The following SLC25A21 variants were observed in gnomAD, a reference collection of about 807,000 sequenced individuals.
The protein encoded by SLC25A21 is solute carrier family 25 member 21, also known as mitochondrial 2-oxodicarboxylate carrier.
Under a neutral mutation model 43.8 loss-of-function variants are expected in SLC25A21, and 47 were observed. That is an observed-to-expected ratio of 1.07 (90% CI 0.85 to 1.37). SLC25A21 has a LOEUF of 1.37. Ranked by LOEUF, SLC25A21 falls within the 40% of genes most tolerant of loss-of-function variation. SLC25A21 has a pLI of 0.00. For missense variants in SLC25A21, 352 were observed against 350.2 expected (o/e 1.00, Z -0.04); for synonymous variants, 131 against 121.3 (o/e 1.08, Z -0.52).
intron 1 of SLC25A21, among the ~76,000 whole-genome samples, chr14:37,044,322 A>T (rs1277090941): frequency 2.0e-5 from 3 of 152,222 alleles, no homozygotes; most frequent in Admixed American, 1.3e-4. Flanking sequence ...AATATATATA[A>T]AATTACATAA....
At chr14:36,872,516 G>A (rs565355814) in intron 2 of SLC25A21, among the ~76,000 whole-genome samples, 2 of 152,246 alleles carry the variant, frequency 1.3e-5, no homozygotes, top group South Asian at 4.1e-4. Context: ...TTAGTGCCTA[G>A]GTGATAAATC....
intron 1 of SLC25A21, among the ~76,000 whole-genome samples, chr14:36,998,076 C>T (rs141354267): frequency 6.6e-6 from 1 of 152,222 alleles, no homozygotes; most frequent in African/African-American, 2.4e-5. Context: ...AACATTTTCC[C>T]GAAGTGCAAT....
At chr14:36,940,096 T>C (rs1458572492) in intron 1 of SLC25A21, among the ~76,000 whole-genome samples, 5 of 152,160 alleles carry the variant, frequency 3.3e-5, no homozygotes, top group Admixed American at 2.6e-4. Context: ...TACGTGTATA[T>C]TCTAAACTGC....
intron 1 of SLC25A21, among the ~76,000 whole-genome samples, chr14:37,093,484 A>G (rs893348613): frequency 6.6e-6 from 1 of 152,196 alleles, no homozygotes; most frequent in African/African-American, 2.4e-5. Flanking sequence ...TTTCACAGCC[A>G]TGATTATTTG....
At chr14:36,895,890 C>T (rs1436362241) in intron 1 of SLC25A21, among the ~76,000 whole-genome samples, 1 of 152,204 alleles carries the variant, frequency 6.6e-6, no homozygotes, top group East Asian at 1.9e-4. Context: ...TTTCATTGCA[C>T]TGTGGTCTGA....
At position 37,164,436 on chromosome 14, in the gene SLC25A21, C is replaced by T. The variant is rs1048764173; in HGVS notation, c.70+7845G>A. Among the ~76,000 whole-genome samples the T allele has an allele frequency of 5.7e-4, 87 of 152,084 alleles. 1 individual carries two copies. The highest frequency in any genetic ancestry group is 7.4e-5 in the Non-Finnish European group (5 of 68,014). On this transcript the variant is annotated intron_variant, in intron 1 of 9. Coordinates refer to ENST00000331299, the MANE Select transcript of SLC25A21 (RefSeq NM_030631.4). ...AAAGGCTCACCTGTTTCAGTACAAC[C>T]TGCTATTTATTATCAAACAATTACA...
intron 1 of SLC25A21, chr14:37,097,018 GTTTT>G (rs1555346731): frequency 6.9e-6 from 1 of 145,150 alleles, no homozygotes; most frequent in African/African-American, 2.7e-5. Flanking sequence ...CAAAGGGCTG[GTTTT>G]TTTTTTGTTT....
chr14:36,820,225 C>G (rs966017671), intron 2 of SLC25A21, among the ~76,000 whole-genome samples: 1 of 152,180 alleles, frequency 6.6e-6, no homozygotes, highest in African/African-American at 2.4e-5. Flanking sequence ...TTCTCCCATT[C>G]AGCTCTGCTT....
chr14:36,907,645 G>C (rs1891572203), intron 1 of SLC25A21, among the ~76,000 whole-genome samples: 1 of 152,038 alleles, frequency 6.6e-6, no homozygotes, highest in South Asian at 2.1e-4. Flanking sequence ...AGATGGATTA[G>C]GTTTTTGGAA....
intron 2 of SLC25A21, 61 bp from the exon 3 acceptor site, chr14:36,814,062 T>A: frequency 9.0e-7 from 1 of 1,117,144 alleles, no homozygotes; most frequent in Non-Finnish European, 1.3e-6. Flanking sequence ...GCTTTTCTCA[T>A]TTTTTAAAGT....
At chr14:37,148,886 T>C (rs1281757900) in intron 1 of SLC25A21, among the ~76,000 whole-genome samples, 1 of 152,224 alleles carries the variant, frequency 6.6e-6, no homozygotes, top group Non-Finnish European at 1.5e-5. Context: ...ATACTACATA[T>C]TATGTAAGCA....
intron 1 of SLC25A21, among the ~76,000 whole-genome samples, chr14:37,150,267 G>T (rs1833712026): frequency 6.6e-6 from 1 of 152,068 alleles, no homozygotes; most frequent in Admixed American, 6.6e-5. Context: ...GGAGTTTCAG[G>T]TAATCTCTAA....
intron 1 of SLC25A21, among the ~76,000 whole-genome samples, chr14:37,088,842 G>T (rs1962531312): frequency 6.6e-6 from 1 of 152,192 alleles, no homozygotes; most frequent in African/African-American, 2.4e-5. Context: ...TCCCTGATCA[G>T]AATACTAACC....
At chr14:36,855,159 T>A (rs1889861657) in intron 2 of SLC25A21, among the ~76,000 whole-genome samples, 1 of 152,110 alleles carries the variant, frequency 6.6e-6, no homozygotes, top group Admixed American at 6.6e-5. Flanking sequence ...CTTGGTAGTT[T>A]GTTCTGAGAA....
At chr14:36,721,647 A>G (rs900688116) in intron 6 of SLC25A21, among the ~76,000 whole-genome samples, 2 of 152,208 alleles carry the variant, frequency 1.3e-5, no homozygotes, top group African/African-American at 2.4e-5. Flanking sequence ...TCTGTTAGAA[A>G]TTACAGAGTA....
intron 1 of SLC25A21, among the ~76,000 whole-genome samples, chr14:36,885,206 T>C (rs932446890): frequency 6.6e-6 from 1 of 152,240 alleles, no homozygotes; most frequent in Non-Finnish European, 1.5e-5. Flanking sequence ...CCAACACTAT[T>C]TATTGAAGAG....
rs1594748248 is a variant in SLC25A21, at chr14:37,004,953, G to A, written c.71-129949C>T. Among the ~76,000 whole-genome samples, 6 of 147,566 alleles carry A rather than the reference G, an allele frequency of 4.1e-5. No individual in the cohort carries two copies. In the South Asian group the frequency reaches 1.3e-3, roughly 32 times the overall value. ...TTTTTTTTTTTTTTTGAGACAGAGTGTCACTCTGTCACCAGGCTGGAGTGC... is the reference window on the plus strand; with the variant it reads ...TTTTTTTTTTTTTTTGAGACAGAGTATCACTCTGTCACCAGGCTGGAGTGC... On this transcript the variant is annotated intron_variant, in intron 1 of 9. Coordinates refer to ENST00000331299, the MANE Select transcript of SLC25A21 (RefSeq NM_030631.4).
At chr14:37,055,665 G>C (rs1170784268) in intron 1 of SLC25A21, among the ~76,000 whole-genome samples, 1 of 152,132 alleles carries the variant, frequency 6.6e-6, no homozygotes, top group Non-Finnish European at 1.5e-5. Flanking sequence ...GTCTAGCTGA[G>C]CCTAGTCTTT....
At chr14:37,088,885 C>A (rs545553602) in intron 1 of SLC25A21, among the ~76,000 whole-genome samples, 1 of 152,336 alleles carries the variant, frequency 6.6e-6, no homozygotes, top group South Asian at 2.1e-4. Flanking sequence ...CTCTCTCTCT[C>A]TTTTCAACTT....
Sources: allele counts gnomAD v4.1 joint callset (sites outside exome capture counted in the v4.1 genomes callset), GRCh38; gene constraint gnomAD v4.1.1; transcripts MANE v1.5; gene names NCBI Gene and HGNC (gene_info 2026-07-23, HGNC 2026-07-21).